SRARP: variants seen among roughly 807,000 people sequenced by gnomAD.
The protein encoded by SRARP is steroid receptor associated and regulated protein.
Under a neutral mutation model 3.6 loss-of-function variants are expected in SRARP, and 5 were observed. The observed-to-expected ratio is 1.39, with a 90% CI of 0.73 to 2.93. The LOEUF (loss-of-function observed/expected upper bound fraction) is 2.93. SRARP is among the 30% of genes most tolerant of loss of function. The probability of loss-of-function intolerance (pLI) is 0.00; values close to 1 mark genes in which losing one functional copy is unlikely to be tolerated. For synonymous variants in SRARP, 96 were observed against 91.6 expected (o/e 1.05, Z -0.27); for missense variants, 215 against 216.7 (o/e 0.99, Z 0.05).
chr1:16,007,191 C>T lies in SRARP; in HGVS notation c.*845C>T, dbSNP rs2073134358. On this transcript the variant is annotated 3_prime_UTR_variant, in exon 2 of 2. Transcript: ENST00000329454. ...CATGTTTGAACGAATGAAAACAAGACATGTTATTTATTGAGCATCTACTGC... is the reference window on the plus strand; with the variant it reads ...CATGTTTGAACGAATGAAAACAAGATATGTTATTTATTGAGCATCTACTGC... The T allele has an allele frequency of 6.7e-6, 1 of 148,950 alleles. No individual in the cohort carries two copies. The highest frequency in any genetic ancestry group is 6.7e-5 in the Admixed American group (1 of 14,872). 9.2% of individuals were successfully genotyped at this position (148,950 alleles called of 1,614,324 possible).
chr1:16,006,040 T>C lies in SRARP; in HGVS notation c.204T>C (p.Ser68=). ...CCGCATCACCACCCCAAGCCCCCAG[T>C]CCCAATCGAGGGCTTGTCACCCCAC... ...AATASPPQAP[S]PNRGLVTPPM... is the part of the protein sequence containing the mutation. Residue 68 remains serine (S), a synonymous_variant, in exon 2 of 2, where the codon AGT becomes AGC. Transcript: ENST00000329454. 2 of 1,613,944 alleles carry C rather than the reference T, an allele frequency of 1.2e-6. No homozygotes were observed. Among genetic ancestry groups the C allele is most frequent in the Non-Finnish European group, 8.5e-7 (1 of 1,179,964 alleles).
At chr1:16,005,288 C>T (rs973724017) in intron 1 of SRARP, among the ~76,000 whole-genome samples, 19 of 152,232 alleles carry the variant, frequency 1.2e-4, no homozygotes, top group Middle Eastern at 3.4e-3. Context: ...AATTGGCATC[C>T]CCTGGGGACT....
chr1:16,005,844 A>G, intron 1 of SRARP, 75 bp from the exon 2 acceptor site: 1 of 1,401,546 alleles, frequency 7.1e-7, no homozygotes, highest in Non-Finnish European at 9.7e-7. Context: ...CCTGGGCGAC[A>G]GAGTGAGACC....
In SRARP at chr1:16,006,491, C is replaced by A; in HGVS notation, c.*145C>A. 1.1e-6 allele frequency: 1 copy of A among 910,412 alleles called. No individual in the cohort carries two copies. The highest frequency in any genetic ancestry group is 1.6e-6 in the Non-Finnish European group (1 of 615,140). 56.4% of individuals were successfully genotyped at this position (910,412 alleles called of 1,614,324 possible). On this transcript the variant is annotated 3_prime_UTR_variant, in exon 2 of 2. Transcript: ENST00000329454. ...GGCATCTGAAACATCCGTCGAGTGG[C>A]AGAGGCAGGATAAGTCACCTGCACA...
rs1227529254 is a variant in SRARP, at chr1:16,006,544, A to T, written c.*198A>T. 3 of 582,912 alleles carry T rather than the reference A, an allele frequency of 5.1e-6. No homozygotes were observed. In the African/African-American group the frequency reaches 5.6e-5, roughly 11 times the overall value. The allele number at this position is 582,912 out of a possible 1,614,324, so 36.1% of individuals were successfully genotyped here. On this transcript the variant is annotated 3_prime_UTR_variant, in exon 2 of 2. Coordinates refer to ENST00000329454, the MANE Select transcript of SRARP (RefSeq NM_178840.4). ...AAGAGACTCATTCATTCATACAGCA[A>T]ATATTACTGGTACATCTTCCACATG...
rs368858510 is a variant in SRARP, at chr1:16,006,214, G to A, written c.378G>A (p.Pro126=). The change falls in exon 2 of 2, where the codon CCG becomes CCA. Residue 126 remains proline, a synonymous_variant. Coordinates refer to ENST00000329454, the MANE Select transcript of SRARP (RefSeq NM_178840.4). ...SVASASFPVS[P]LCPQEVPEAK... is the part of the protein sequence containing the mutation. ...CCTCAGCTTCCTTCCCAGTCAGCCC[G>A]CTCTGCCCCCAGGAGGTTCCCGAGG... 1.2e-5 allele frequency: 19 copies of A among 1,613,894 alleles called. No homozygotes were observed. Among genetic ancestry groups the A allele is most frequent in the South Asian group, 1.1e-4 (10 of 91,092 alleles).
chr1:16,007,414 C>T lies in SRARP; in HGVS notation c.*1068C>T, dbSNP rs1450083788. 1 of 152,072 alleles carries T rather than the reference C, an allele frequency of 6.6e-6. No individual in the cohort carries two copies. Among genetic ancestry groups the T allele is most frequent in the Non-Finnish European group, 1.5e-5 (1 of 68,028 alleles). The allele number at this position is 152,072 out of a possible 1,614,324, so 9.4% of individuals were successfully genotyped here. ...GCAACCTATTTAAGGAAGTCAGTCT[C>T]AAAGCTCCCAGATAAAAATCACTGG... On this transcript the variant is annotated 3_prime_UTR_variant, in exon 2 of 2. Transcript: ENST00000329454.
In SRARP at chr1:16,006,050, G is replaced by C; in HGVS notation, c.214G>C (p.Gly72Arg). Reference protein sequence around the residue: ...SPPQAPSPNRGLVTPPMKTYI... With the variant: ...SPPQAPSPNRRLVTPPMKTYI... ...ACCCCAAGCCCCCAGTCCCAATCGA[G>C]GGCTTGTCACCCCACCAATGAAGAC... is the stretch of plus-strand genomic sequence containing the variant. Residue 72 changes from glycine to arginine, a missense_variant, in exon 2 of 2, where the codon GGG (glycine) becomes CGG (arginine). By Grantham distance (125) the Gly-to-Arg change is moderately radical. Transcript: ENST00000329454. 1.2e-6 allele frequency: 2 copies of C among 1,614,020 alleles called. No individual in the cohort carries two copies. Among genetic ancestry groups the C allele is most frequent in the African/African-American group, 1.3e-5 (1 of 75,056 alleles).
chr1:16,006,877 C>T lies in SRARP; in HGVS notation c.*531C>T, dbSNP rs1228369008. 1 of 155,450 alleles carries T rather than the reference C, an allele frequency of 6.4e-6. No homozygotes were observed. Among genetic ancestry groups the T allele is most frequent in the African/African-American group, 2.4e-5 (1 of 41,456 alleles). The allele number at this position is 155,450 out of a possible 1,614,324, so 9.6% of individuals were successfully genotyped here. A position where few individuals can be genotyped will look rare whatever the true frequency, so the allele number is the denominator to read the frequency against. ...CCAGGGCCACCTGCTGTCATCTTAC[C>T]CCAGGGCAGGCCAGAGCAGTGGTCA... is the stretch of plus-strand genomic sequence containing the variant. On this transcript the variant is annotated 3_prime_UTR_variant, in exon 2 of 2. Transcript: ENST00000329454.
At chr1:16,004,440 T>C (rs2073115516) in intron 1 of SRARP, 55 bp downstream of exon 1, 1 of 1,456,072 alleles carries the variant, frequency 6.9e-7, no homozygotes, top group Non-Finnish European at 9.4e-7. Context: ...GGGGGCCAGG[T>C]GCGGTGCCTC....
At chr1:16,005,130 G>T (rs1244646206) in intron 1 of SRARP, among the ~76,000 whole-genome samples, 1 of 152,160 alleles carries the variant, frequency 6.6e-6, no homozygotes, top group Non-Finnish European at 1.5e-5. Context: ...AGATTATCTG[G>T]GGAGGGGGAG....
chr1:16,006,211 C>T lies in SRARP; in HGVS notation c.375C>T (p.Ser125=). The T allele has an allele frequency of 6.2e-7, 1 of 1,613,922 alleles. No homozygotes were observed. Among genetic ancestry groups the T allele is most frequent in the South Asian group, 1.1e-5 (1 of 91,086 alleles). ...TGGCCTCAGCTTCCTTCCCAGTCAGCCCGCTCTGCCCCCAGGAGGTTCCCG... is the reference window on the plus strand; with the variant it reads ...TGGCCTCAGCTTCCTTCCCAGTCAGTCCGCTCTGCCCCCAGGAGGTTCCCG... ...GSVASASFPV[S]PLCPQEVPEA... Residue 125 remains serine, a synonymous_variant, in exon 2 of 2, where the codon AGC becomes AGT. Transcript: ENST00000329454.
At position 16,006,446 on chromosome 1, in the gene SRARP, C is replaced by A; in HGVS notation, c.*100C>A. The A allele has an allele frequency of 1.5e-6, 2 of 1,304,116 alleles. No homozygotes were observed. Among genetic ancestry groups the A allele is most frequent in the Non-Finnish European group, 2.1e-6 (2 of 959,648 alleles). 80.8% of individuals were successfully genotyped at this position (1,304,116 alleles called of 1,614,324 possible). On this transcript the variant is annotated 3_prime_UTR_variant, in exon 2 of 2. Transcript: ENST00000329454. ...GTCTTTTGTGCTTGAGCCAAGGAAA[C>A]ATCATTAGATCCGCTAAGGGGCATC...
chr1:16,006,052 G>A lies in SRARP; in HGVS notation c.216G>A (p.Gly72=), dbSNP rs766467815. ...CCCAAGCCCCCAGTCCCAATCGAGGGCTTGTCACCCCACCAATGAAGACCT... is the reference window on the plus strand; with the variant it reads ...CCCAAGCCCCCAGTCCCAATCGAGGACTTGTCACCCCACCAATGAAGACCT... ...SPPQAPSPNR[G]LVTPPMKTYI... is the part of the protein sequence containing the mutation. Residue 72 remains glycine, a synonymous_variant, in exon 2 of 2, where the codon GGG becomes GGA. Transcript: ENST00000329454. 14 of 1,614,020 alleles carry A rather than the reference G, an allele frequency of 8.7e-6. No individual in the cohort carries two copies. Among genetic ancestry groups the A allele is most frequent in the Non-Finnish European group, 1.2e-5 (14 of 1,180,006 alleles).
At chr1:16,004,431 G>T in intron 1 of SRARP, 46 bp downstream of exon 1, 1 of 1,497,360 alleles carries the variant, frequency 6.7e-7, no homozygotes, top group Non-Finnish European at 9.1e-7. Context: ...ACACCAGCTG[G>T]GGGCCAGGTG....
In SRARP at chr1:16,006,601, T is replaced by C. The variant is rs1168147004; in HGVS notation, c.*255T>C. 9.7e-6 allele frequency: 4 copies of C among 411,258 alleles called. No individual in the cohort carries two copies. The highest frequency in any genetic ancestry group is 1.7e-5 in the Non-Finnish European group (4 of 233,836). The allele number at this position is 411,258 out of a possible 1,614,324, so 25.5% of individuals were successfully genotyped here. ...CCTGCAAAGTGCTGGGGAGATACCATGGTTTTCCTGGAGCTGGTATTTTTG... is the reference window on the plus strand; with the variant it reads ...CCTGCAAAGTGCTGGGGAGATACCACGGTTTTCCTGGAGCTGGTATTTTTG... On this transcript the variant is annotated 3_prime_UTR_variant, in exon 2 of 2. Transcript: ENST00000329454.
rs2073134173 is a variant in SRARP at position 16,007,165 on chromosome 1, T to C, written c.*819T>C. ...GAGGGAGGTACTCAAAAATAGAGTA[T>C]CATGTTTGAACGAATGAAAACAAGA... On this transcript the variant is annotated 3_prime_UTR_variant, in exon 2 of 2. Coordinates refer to ENST00000329454, the MANE Select transcript of SRARP (RefSeq NM_178840.4). The C allele has an allele frequency of 6.6e-6, 1 of 151,152 alleles. No individual in the cohort carries two copies. Among genetic ancestry groups the C allele is most frequent in the South Asian group, 2.1e-4 (1 of 4,796 alleles). The allele number at this position is 151,152 out of a possible 1,614,324, so 9.4% of individuals were successfully genotyped here.
In SRARP at chr1:16,006,226, G is replaced by A; in HGVS notation, c.390G>A (p.Gln130=). 1.2e-6 allele frequency: 2 copies of A among 1,613,840 alleles called. No homozygotes were observed. Among genetic ancestry groups the A allele is most frequent in the East Asian group, 2.2e-5 (1 of 44,884 alleles). ...ASFPVSPLCP[Q]EVPEAKGKPV... ...TCCCAGTCAGCCCGCTCTGCCCCCA[G>A]GAGGTTCCCGAGGCTAAGGGGAAAC... The change falls in exon 2 of 2, where the codon CAG becomes CAA. Residue 130 remains glutamine (Q), a synonymous_variant. Coordinates refer to ENST00000329454, the MANE Select transcript of SRARP (RefSeq NM_178840.4).
At chr1:16,005,258 T>C (rs2073120474) in intron 1 of SRARP, among the ~76,000 whole-genome samples, 1 of 152,154 alleles carries the variant, frequency 6.6e-6, no homozygotes, top group African/African-American at 2.4e-5. Flanking sequence ...CTTTTCATAA[T>C]ATGGTCCATG....
Sources: gnomAD v4.1 joint callset for allele counts (sites outside exome capture counted in the v4.1 genomes callset) on GRCh38, gnomAD v4.1.1 for gene constraint, MANE v1.5 for transcripts, NCBI Gene and HGNC (gene_info 2026-07-23, HGNC 2026-07-21) for gene names.